The following KIF5C variants were observed in gnomAD, a reference collection of about 807,000 sequenced individuals.
The protein encoded by KIF5C is kinesin heavy chain isoform 5C.
KIF5C carries 18 observed loss-of-function variants against 125.2 expected under a neutral mutation model. That is an observed-to-expected ratio of 0.14 (90% CI 0.10 to 0.21). KIF5C has a LOEUF of 0.21. KIF5C is among the 10% of genes least tolerant of loss of function. The probability of loss-of-function intolerance (pLI) is 1.00; values close to 1 mark genes in which losing one functional copy is unlikely to be tolerated. For missense variants in KIF5C, 780 were observed against 1,183.8 expected (o/e 0.66, Z 5.01); for synonymous variants, 405 against 434.0 (o/e 0.93, Z 0.83).
chr2:148,980,019 A>G (rs1681187212), intron 13 of KIF5C, among the ~76,000 whole-genome samples: 1 of 152,202 alleles, frequency 6.6e-6, no homozygotes, highest in Non-Finnish European at 1.5e-5. Flanking sequence ...CTGAAATGCT[A>G]TGGATTGGAT....
intron 10 of KIF5C, among the ~76,000 whole-genome samples, chr2:148,952,167 G>T (rs1420760075): frequency 6.6e-6 from 1 of 152,078 alleles, no homozygotes; most frequent in Non-Finnish European, 1.5e-5. Context: ...AAACAAGATC[G>T]CATCCTGCCC....
intron 1 of KIF5C, among the ~76,000 whole-genome samples, chr2:148,919,971 G>A (rs958027861): frequency 6.6e-6 from 1 of 152,170 alleles, no homozygotes; most frequent in African/African-American, 2.4e-5. Flanking sequence ...TGTATTATCT[G>A]TTTGTCATTT....
rs1348131957 is a variant in KIF5C, at chr2:149,000,795, A to G, written c.2373+13A>G. ...GGAGGAGACAGTGGTATGTCAAGAT[A>G]TTTCCCGATTTATGTTTGTCTCCAA... is the stretch of plus-strand genomic sequence containing the variant. On this transcript the variant is annotated intron_variant, in intron 21 of 25. Transcript: ENST00000435030. The G allele has an allele frequency of 6.2e-7, 1 of 1,611,998 alleles. No homozygotes were observed. The highest frequency in any genetic ancestry group is 8.5e-7 in the Non-Finnish European group (1 of 1,179,374).
At chr2:148,894,814 T>C (rs983100103) in intron 1 of KIF5C, among the ~76,000 whole-genome samples, 4 of 151,272 alleles carry the variant, frequency 2.6e-5, no homozygotes, top group Non-Finnish European at 4.4e-5. Context: ...CTTTCATTTT[T>C]ATTCCAAATA....
At chr2:148,982,926 G>A (rs916162476) in intron 14 of KIF5C, among the ~76,000 whole-genome samples, 12 of 152,162 alleles carry the variant, frequency 7.9e-5, no homozygotes, top group Admixed American at 2.6e-4. Context: ...GATGTTAAAC[G>A]TTAGTTAAGA....
intron 14 of KIF5C, among the ~76,000 whole-genome samples, chr2:148,982,965 G>A (rs1681278806): frequency 6.6e-6 from 1 of 152,172 alleles, no homozygotes; most frequent in African/African-American, 2.4e-5. Context: ...GATACATGAG[G>A]ATGAAAAAGA....
chr2:148,891,359 C>A (rs1344432359), intron 1 of KIF5C, among the ~76,000 whole-genome samples: 2 of 151,972 alleles, frequency 1.3e-5, no homozygotes, highest in Non-Finnish European at 2.9e-5. Flanking sequence ...AATCCTCCAA[C>A]CTTTTTAAGG....
rs772985597 is a variant in KIF5C at position 148,961,951 on chromosome 2, C to T, written c.969-20C>T. ...ATGGTAATAATTAGCTGAATTGTCCCCTTATGTTTTTAATCCCAGAGCTAA... is the reference window on the plus strand; with the variant it reads ...ATGGTAATAATTAGCTGAATTGTCCTCTTATGTTTTTAATCCCAGAGCTAA... On this transcript the variant is annotated intron_variant, in intron 10 of 25. Transcript: ENST00000435030. 25 of 1,604,232 alleles carry T rather than the reference C, an allele frequency of 1.6e-5. No homozygotes were observed. The highest frequency in any genetic ancestry group is 2.0e-5 in the Non-Finnish European group (23 of 1,176,606).
intron 1 of KIF5C, among the ~76,000 whole-genome samples, chr2:148,895,008 A>G (rs1365295741): frequency 1.3e-5 from 2 of 150,788 alleles, no homozygotes; most frequent in East Asian, 1.9e-4. Flanking sequence ...AATAATATAT[A>G]TAAAACAAAA....
At chr2:148,915,366 A>G (rs948957419) in intron 1 of KIF5C, among the ~76,000 whole-genome samples, 1 of 152,200 alleles carries the variant, frequency 6.6e-6, no homozygotes, top group Non-Finnish European at 1.5e-5. Context: ...AGGGCCTTCA[A>G]GAGCCTTTGA....
chr2:148,954,511 T>C (rs1682745855), intron 10 of KIF5C, among the ~76,000 whole-genome samples: 2 of 152,110 alleles, frequency 1.3e-5, no homozygotes. Context: ...GTACCTTGAT[T>C]TGGGGTGGTA....
intron 11 of KIF5C, among the ~76,000 whole-genome samples, chr2:148,972,200 G>C (rs762818676): frequency 6.6e-6 from 1 of 152,120 alleles, no homozygotes; most frequent in Non-Finnish European, 1.5e-5. Context: ...TTATCTGCTC[G>C]TCTTGGCCTG....
intron 12 of KIF5C, 79 bp from the exon 13 acceptor site, chr2:148,978,843 T>C: frequency 6.8e-7 from 1 of 1,480,906 alleles, no homozygotes; most frequent in Non-Finnish European, 9.0e-7. Flanking sequence ...AAGCTTATGG[T>C]AGCTGCCTGT....
At chr2:148,999,940 CTG>C (rs2105185482) in intron 19 of KIF5C, 1 of 153,740 alleles carries the variant, frequency 6.5e-6, no homozygotes, top group Admixed American at 6.5e-5. Context: ...ATAATTCTCT[CTG>C]TGCCCACTCC....
intron 15 of KIF5C, among the ~76,000 whole-genome samples, chr2:148,987,524 T>C (rs1277140133): frequency 6.6e-6 from 1 of 152,126 alleles, no homozygotes; most frequent in African/African-American, 2.4e-5. Flanking sequence ...AAGGGCTGGC[T>C]TCTGTTTAAC....
chr2:149,006,634 A>G (rs1434027306), intron 22 of KIF5C, among the ~76,000 whole-genome samples: 1 of 152,222 alleles, frequency 6.6e-6, no homozygotes, highest in Non-Finnish European at 1.5e-5. Context: ...CCCTGACAGC[A>G]TGGTTTAAGT....
intron 3 of KIF5C, among the ~76,000 whole-genome samples, chr2:148,934,891 TACAC>T (rs143299058): frequency 2.0e-5 from 3 of 148,130 alleles, no homozygotes; most frequent in Admixed American, 1.3e-4. Flanking sequence ...CCCCTAACAC[TACAC>T]ACACACACAC....
At chr2:148,928,214 CAAAAGAAAAACTCTATTTAG>C (rs1273118710) in intron 2 of KIF5C, among the ~76,000 whole-genome samples, 2 of 152,100 alleles carry the variant, frequency 1.3e-5, no homozygotes, top group East Asian at 3.9e-4. Context: ...ACCATGCTCC[CAAAAGAAAAACTCTATTTAG>C]AGCCTGAAGT....
At chr2:149,013,525 G>C (rs754127492) in intron 25 of KIF5C, among the ~76,000 whole-genome samples, 3 of 152,194 alleles carry the variant, frequency 2.0e-5, no homozygotes, top group Non-Finnish European at 4.4e-5. Flanking sequence ...AATGCTTTTA[G>C]AGCAAGGACA....
Sources: allele counts gnomAD v4.1 joint callset (sites outside exome capture counted in the v4.1 genomes callset), GRCh38; gene constraint gnomAD v4.1.1; transcripts MANE v1.5; gene names NCBI Gene and HGNC (gene_info 2026-07-23, HGNC 2026-07-21).